The following ITPR1 variants were observed in gnomAD, a reference collection of about 807,000 sequenced individuals.
ITPR1 encodes inositol 1,4,5-trisphosphate receptor type 1, also known as inositol 1,4,5-trisphosphate-gated calcium channel ITPR1.
Under a neutral mutation model 318.4 loss-of-function variants are expected in ITPR1, and 96 were observed. That is an observed-to-expected ratio of 0.30 (90% CI 0.26 to 0.36). ITPR1 has a LOEUF of 0.36. Among genes scored for constraint, ITPR1 ranks in the 10% least tolerant of loss-of-function variants. The probability of loss-of-function intolerance (pLI) is 1.00; values close to 1 mark genes in which losing one functional copy is unlikely to be tolerated. For missense variants in ITPR1, 2,440 were observed against 3,460.2 expected (o/e 0.71, Z 7.40); for synonymous variants, 1,312 against 1,289.9 (o/e 1.02, Z -0.37).
chr3:4,616,391 C>A (rs2092389257), intron 4 of ITPR1, among the ~76,000 whole-genome samples: 1 of 152,154 alleles, frequency 6.6e-6, no homozygotes, highest in South Asian at 2.1e-4. Flanking sequence ...TAAATCTTAA[C>A]CCCCTTGGTG....
At chr3:4,645,551 T>C (rs764133169) in intron 9 of ITPR1, 31 bp from the exon 10 acceptor site, 1 of 1,610,288 alleles carries the variant, frequency 6.2e-7, no homozygotes, top group Middle Eastern at 1.7e-4. Context: ...AAATTCTTTT[T>C]TCCTTAATTC....
At chr3:4,716,863 G>T (rs572684815) in intron 39 of ITPR1, among the ~76,000 whole-genome samples, 2 of 152,258 alleles carry the variant, frequency 1.3e-5, no homozygotes, top group African/African-American at 2.4e-5. Context: ...ACAGGACCAG[G>T]CTGGGGATAT....
chr3:4,793,267 G>A (rs893167309), intron 52 of ITPR1, among the ~76,000 whole-genome samples: 1 of 152,222 alleles, frequency 6.6e-6, no homozygotes, highest in African/African-American at 2.4e-5. Flanking sequence ...AGCGTATCCT[G>A]CAGTACACGC....
At chr3:4,496,757 G>A (rs1018427167) in intron 2 of ITPR1, among the ~76,000 whole-genome samples, 2 of 152,190 alleles carry the variant, frequency 1.3e-5, no homozygotes, top group Admixed American at 1.3e-4. Flanking sequence ...GACTTCCAGA[G>A]GGGGGAATAT....
intron 4 of ITPR1, among the ~76,000 whole-genome samples, chr3:4,569,765 A>G (rs557911402): frequency 6.6e-6 from 1 of 152,364 alleles, no homozygotes; most frequent in South Asian, 2.1e-4. Context: ...TGGGAGTTGC[A>G]TAGTTTTAGA....
Position 4,688,513 on chromosome 3 carries a change from C to G in ITPR1, c.3721C>G (p.Gln1241Glu), listed in dbSNP as rs892713079. Reference protein sequence around the residue: ...PYEKAEDTKMQEIMRLAHEFL... With the variant: ...PYEKAEDTKMEEIMRLAHEFL... The stretch of plus-strand genomic sequence containing the variant: ...CACACAGGCCGAAGATACCAAGATG[C>G]AAGAGATAATGAGGTTGGCTCATGA... Residue 1241 changes from glutamine to glutamate, a missense_variant, in exon 31 of 62, where the codon CAA becomes GAA. Gln to Glu is a conservative substitution (Grantham distance 29). Transcript: ENST00000649015. 1.2e-5 allele frequency: 19 copies of G among 1,613,978 alleles called. No homozygotes were observed. Among genetic ancestry groups the G allele is most frequent in the Non-Finnish European group, 1.6e-5 (19 of 1,179,848 alleles).
At chr3:4,752,243 A>G (rs912701554) in intron 44 of ITPR1, among the ~76,000 whole-genome samples, 1 of 152,198 alleles carries the variant, frequency 6.6e-6, no homozygotes, top group Non-Finnish European at 1.5e-5. Context: ...TGCAACACAA[A>G]CCCACAAACT....
intron 49 of ITPR1, among the ~76,000 whole-genome samples, chr3:4,781,393 A>G (rs554254084): frequency 2.0e-5 from 3 of 152,316 alleles, no homozygotes; most frequent in Non-Finnish European, 4.4e-5. Flanking sequence ...AGTGTTGGCC[A>G]CACCCTACAT....
chr3:4,747,172 A>G lies in ITPR1; in HGVS notation c.5544+11818A>G, dbSNP rs115042595. On this transcript the variant is annotated intron_variant, in intron 44 of 61. Transcript: ENST00000649015. ...CAGTCCTCTTTTCTTCTTCTTTGTAATAATGATGGACAGTAGTGGTAACAA... is the reference window on the plus strand; with the variant it reads ...CAGTCCTCTTTTCTTCTTCTTTGTAGTAATGATGGACAGTAGTGGTAACAA... Among the ~76,000 whole-genome samples, 301 of 152,296 alleles carry G rather than the reference A, an allele frequency of 2.0e-3. 1 individual carries two copies. The highest frequency in any genetic ancestry group is 2.4e-3 in the Non-Finnish European group (165 of 68,028).
intron 2 of ITPR1, among the ~76,000 whole-genome samples, chr3:4,500,838 G>T (rs888179317): frequency 6.6e-6 from 1 of 152,034 alleles, no homozygotes; most frequent in Non-Finnish European, 1.5e-5. Context: ...AATCAATTTA[G>T]TGGGCCTTGA....
chr3:4,711,750 C>T lies in ITPR1; in HGVS notation c.4992-7C>T. ...AGGAAGTAATCCGTGGTTTTCCCCCCATTCAGGTTAATAAAGCATACAAAA... is the reference window on the plus strand; with the variant it reads ...AGGAAGTAATCCGTGGTTTTCCCCCTATTCAGGTTAATAAAGCATACAAAA... On this transcript the variant is annotated splice_region_variant and splice_polypyrimidine_tract_variant and intron_variant, in intron 38 of 61. Coordinates refer to ENST00000649015, the MANE Select transcript of ITPR1 (RefSeq NM_001378452.1). 1 of 1,474,002 alleles carries T rather than the reference C, an allele frequency of 6.8e-7. No individual in the cohort carries two copies. The highest frequency in any genetic ancestry group is 1.2e-5 in the South Asian group (1 of 82,238). The allele number at this position is 1,474,002 out of a possible 1,614,324, so 91.3% of individuals were successfully genotyped here.
chr3:4,684,258 C>T (rs1301703066), intron 28 of ITPR1, 23 bp from the exon 29 acceptor site: 2 of 1,558,866 alleles, frequency 1.3e-6, no homozygotes, highest in Admixed American at 1.7e-5. Flanking sequence ...ACAGATCACA[C>T]TTGTGTTCAC....
At chr3:4,586,647 C>T (rs2089932612) in intron 4 of ITPR1, among the ~76,000 whole-genome samples, 2 of 151,652 alleles carry the variant, frequency 1.3e-5, no homozygotes, top group Non-Finnish European at 2.9e-5. Flanking sequence ...GTAGCTGGGA[C>T]TGCAGGCACT....
chr3:4,818,262 G>A lies in ITPR1; in HGVS notation c.8028+20G>A, dbSNP rs767227350. On this transcript the variant is annotated intron_variant, in intron 60 of 61. Transcript: ENST00000649015. The stretch of plus-strand genomic sequence containing the variant: ...ATCAAGGTGAGTGGAAAGGCCTCCT[G>A]GGAGCAAGGTGGACTTGGGGCCTAC... 11 of 1,551,552 alleles carry A rather than the reference G, an allele frequency of 7.1e-6. No individual in the cohort carries two copies. The highest frequency in any genetic ancestry group is 4.4e-6 in the Non-Finnish European group (5 of 1,135,240).
chr3:4,632,767 T>C (rs1408674350), intron 5 of ITPR1, among the ~76,000 whole-genome samples: 2 of 151,954 alleles, frequency 1.3e-5, no homozygotes, highest in Admixed American at 6.6e-5. Flanking sequence ...ACAGCATGGT[T>C]GAAAAAAGTT....
At position 4,699,846 on chromosome 3, in the gene ITPR1, G is replaced by C; in HGVS notation, c.4441G>C (p.Asp1481His). ...CNNTSDRKHADSILEKYVTEI... is the reference protein window; with the variant it reads ...CNNTSDRKHAHSILEKYVTEI... ...CAACACTAGTGACAGGAAACATGCA[G>C]ACTCGATTTTGGAGAAGTATGTCAC... Residue 1481 changes from aspartate (D) to histidine (H), a missense_variant, in exon 35 of 62, where the codon GAC becomes CAC. Asp to His is a moderately conservative substitution (Grantham distance 81, BLOSUM62 -1). Coordinates refer to ENST00000649015, the MANE Select transcript of ITPR1 (RefSeq NM_001378452.1). 1 of 1,613,896 alleles carries C rather than the reference G, an allele frequency of 6.2e-7. No individual in the cohort carries two copies. Among genetic ancestry groups the C allele is most frequent in the Non-Finnish European group, 8.5e-7 (1 of 1,179,798 alleles).
chr3:4,557,967 T>A (rs2086298826), intron 4 of ITPR1, among the ~76,000 whole-genome samples: 1 of 152,204 alleles, frequency 6.6e-6, no homozygotes, highest in African/African-American at 2.4e-5. Flanking sequence ...AGCTGCTTTT[T>A]AAAACCTCCT....
At chr3:4,700,943 A>G (rs2094639518) in intron 35 of ITPR1, among the ~76,000 whole-genome samples, 2 of 152,200 alleles carry the variant, frequency 1.3e-5, no homozygotes, top group South Asian at 4.1e-4. Context: ...TATCATGAGA[A>G]CAGCATGGGA....
intron 52 of ITPR1, among the ~76,000 whole-genome samples, chr3:4,791,648 C>T (rs2047563265): frequency 6.6e-6 from 1 of 152,210 alleles, no homozygotes; most frequent in Non-Finnish European, 1.5e-5. Context: ...AGTGTGTAAG[C>T]TATGACTCCT....
Sources: allele counts gnomAD v4.1 joint callset (sites outside exome capture counted in the v4.1 genomes callset), GRCh38; gene constraint gnomAD v4.1.1; transcripts MANE v1.5; gene names NCBI Gene and HGNC (gene_info 2026-07-23, HGNC 2026-07-21).